The following EDARADD variants were observed in gnomAD, a reference collection of about 807,000 sequenced individuals.
The protein encoded by EDARADD is ectodysplasin-A receptor-associated adapter protein.
A neutral mutation model predicts 25.6 loss-of-function variants in EDARADD; 20 were observed. The observed-to-expected ratio is 0.78, with a 90% CI of 0.55 to 1.14. The LOEUF (loss-of-function observed/expected upper bound fraction) is 1.14. EDARADD is among the 50% of genes most tolerant of loss of function. The pLI, the probability that EDARADD is intolerant of heterozygous loss-of-function variation, is 0.00. For missense variants in EDARADD, 225 were observed against 270.1 expected, an observed-to-expected ratio of 0.83 and a Z score of 1.17; for synonymous variants, 86 against 94.4, an observed-to-expected ratio of 0.91 and a Z score of 0.52.
At chr1:236,442,820 T>C (rs2103023105) in intron 4 of EDARADD, among the ~76,000 whole-genome samples, 1 of 152,344 alleles carries the variant, frequency 6.6e-6, no homozygotes. Context: ...TTAATGTTGT[T>C]TTCATGCCTG....
chr1:236,484,625 A>C lies in EDARADD; in HGVS notation c.*1976A>C. ...GCCGTGGAGTTCGCACCTCTTCCTTAGAACTTCTACAGAAGCAGGTTGCAG... is the reference window on the plus strand; with the variant it reads ...GCCGTGGAGTTCGCACCTCTTCCTTCGAACTTCTACAGAAGCAGGTTGCAG... On this transcript the variant is annotated 3_prime_UTR_variant, in exon 6 of 6. Coordinates refer to ENST00000334232, the MANE Select transcript of EDARADD (RefSeq NM_145861.4). This position sits in a 1 kb window ranked among gnomAD's most constrained non-coding sequence, Gnocchi z 4.1. 1.8e-6 allele frequency: 1 copy of C among 555,292 alleles called. No homozygotes were observed. The highest frequency in any genetic ancestry group is 3.2e-6 in the Non-Finnish European group (1 of 308,126). 34.4% of individuals were successfully genotyped at this position (555,292 alleles called of 1,614,324 possible). A position where few individuals can be genotyped will look rare whatever the true frequency, so the allele number is the denominator to read the frequency against.
intron 4 of EDARADD, among the ~76,000 whole-genome samples, chr1:236,456,373 G>A (rs567249849): frequency 8.5e-5 from 13 of 152,278 alleles, no homozygotes; most frequent in Admixed American, 3.3e-4. Flanking sequence ...CTCACTGACC[G>A]CTAGAAAGTT....
At chr1:236,459,719 T>G (rs563841241) in intron 4 of EDARADD, among the ~76,000 whole-genome samples, 100 of 151,254 alleles carry the variant, frequency 6.6e-4, no homozygotes, top group South Asian at 3.6e-3. Context: ...TTCAAGTGAT[T>G]CTCCTGCCTC....
intron 5 of EDARADD, among the ~76,000 whole-genome samples, chr1:236,481,829 TG>T (rs1045260948): frequency 1.2e-4 from 18 of 148,362 alleles, no homozygotes; most frequent in African/African-American, 4.5e-4. Flanking sequence ...ATGAGCATTC[TG>T]AGGCCAGGCA....
rs192650833 is a variant in EDARADD at position 236,443,895 on chromosome 1, C to T, written c.219+16445C>T. 4.8e-3 allele frequency among the ~76,000 whole-genome samples: 726 copies of T among 152,198 alleles called. 3 individuals are homozygous for T. Among genetic ancestry groups the T allele is most frequent in the African/African-American group, 0.016 (655 of 41,518 alleles). The stretch of plus-strand genomic sequence containing the variant: ...TTAGATGCTCTCAAACAGCATCATA[C>T]GCTCCGGAGAAATCTTTTGTGAAAT... On this transcript the variant is annotated intron_variant, in intron 4 of 5. Coordinates refer to ENST00000334232, the MANE Select transcript of EDARADD (RefSeq NM_145861.4).
Position 236,483,060 on chromosome 1 carries a change from T to G in EDARADD, c.*411T>G. ...TAACATCTCTCCTGATCAGTGCCATTCCCACGGTTTCAAAGAAAACAGCTA... is the reference window on the plus strand; with the variant it reads ...TAACATCTCTCCTGATCAGTGCCATGCCCACGGTTTCAAAGAAAACAGCTA... On this transcript the variant is annotated 3_prime_UTR_variant, in exon 6 of 6. Coordinates refer to ENST00000334232, the MANE Select transcript of EDARADD (RefSeq NM_145861.4). The G allele has an allele frequency of 1.3e-6, 1 of 762,092 alleles. No individual in the cohort carries two copies. Among genetic ancestry groups the G allele is most frequent in the East Asian group, 2.6e-5 (1 of 37,944 alleles). The allele number at this position is 762,092 out of a possible 1,614,324, so 47.2% of individuals were successfully genotyped here. A position where few individuals can be genotyped will look rare whatever the true frequency, so the allele number is the denominator to read the frequency against.
intron 2 of EDARADD, among the ~76,000 whole-genome samples, chr1:236,350,083 C>T (rs750437312): frequency 3.3e-5 from 5 of 152,046 alleles, no homozygotes; most frequent in East Asian, 1.9e-4. Context: ...TCTAGCCTGG[C>T]GACAGAGTGA....
chr1:236,422,051 G>A (rs567690612), intron 3 of EDARADD, among the ~76,000 whole-genome samples: 111 of 152,058 alleles, frequency 7.3e-4, no homozygotes, highest in Non-Finnish European at 1.4e-3. Context: ...TGAGGAACCC[G>A]TGTGGCATTG....
chr1:236,453,968 A>T (rs1020417497), intron 4 of EDARADD, among the ~76,000 whole-genome samples: 8 of 150,976 alleles, frequency 5.3e-5, no homozygotes, highest in African/African-American at 1.7e-4. Context: ...ATACATAGTG[A>T]CTAGTTTTAT....
chr1:236,360,537 GTTTTTTTTT>G lies in EDARADD; in HGVS notation c.-6+9716_-6+9724del, dbSNP rs869053977. On this transcript the variant is annotated intron_variant, in intron 3 of 7. Coordinates refer to the EDARADD transcript ENST00000439430. The stretch of plus-strand genomic sequence containing the variant: ...CAGGACAGAGGGATTTTAATTCACG[GTTTTTTTTT>G]TTTTTTTTTTTTTTTTTGAGACAGA... Among the ~76,000 whole-genome samples the G allele has an allele frequency of 2.0e-4, 26 of 131,274 alleles. No homozygotes were observed. The East Asian group carries it at 4.0e-3, about 20-fold the overall frequency. The allele number at this position is 131,274 out of a possible 152,430, so 86.1% of individuals were successfully genotyped here. A position where few individuals can be genotyped will look rare whatever the true frequency, so the allele number is the denominator to read the frequency against.
intron 3 of EDARADD, among the ~76,000 whole-genome samples, chr1:236,388,021 T>A (rs957871243): frequency 0.36 from 1,375 of 3,852 alleles, 628 homozygotes; most frequent in Non-Finnish European, 0.54. Flanking sequence ...AAAAAAAAAA[T>A]AATAATAATA....
intron 4 of EDARADD, among the ~76,000 whole-genome samples, chr1:236,428,683 T>A (rs80070993): frequency 0.37 from 42,307 of 115,412 alleles, 10,131 homozygotes; most frequent in Non-Finnish European, 0.52. Flanking sequence ...CGCTCCTCAC[T>A]TCCCAGACTG....
chr1:236,476,193 C>CAAATAAATAAAT (rs148065571), intron 5 of EDARADD, among the ~76,000 whole-genome samples: 733 of 146,124 alleles, frequency 5.0e-3, no homozygotes, highest in Middle Eastern at 0.01. Context: ...GACTCCATCT[C>CAAATAAATAAAT]AAATAAATAA....
At chr1:236,384,479 C>T (rs933116439) in intron 3 of EDARADD, among the ~76,000 whole-genome samples, 1 of 152,218 alleles carries the variant, frequency 6.6e-6, no homozygotes, top group Admixed American at 6.5e-5. Context: ...CAGTCTCAAA[C>T]TCTTGAGCTC....
intron 4 of EDARADD, among the ~76,000 whole-genome samples, chr1:236,434,595 T>C (rs1658193197): frequency 6.6e-6 from 1 of 152,110 alleles, no homozygotes. Flanking sequence ...ATATTTTACG[T>C]GTGGCCCAAG....
chr1:236,446,703 A>C (rs1280337525), intron 4 of EDARADD, among the ~76,000 whole-genome samples: 1 of 152,166 alleles, frequency 6.6e-6, no homozygotes, highest in Non-Finnish European at 1.5e-5. Context: ...TTTGGTTTTG[A>C]GTATATATTT....
chr1:236,426,233 C>T (rs1385020011), intron 3 of EDARADD, among the ~76,000 whole-genome samples: 2 of 152,186 alleles, frequency 1.3e-5, no homozygotes, highest in Non-Finnish European at 2.9e-5. Flanking sequence ...CTGCCTCAGC[C>T]TCCTGAATAG....
intron 4 of EDARADD, among the ~76,000 whole-genome samples, chr1:236,463,932 G>A (rs983748562): frequency 7.9e-5 from 12 of 152,230 alleles, no homozygotes; most frequent in African/African-American, 2.9e-4. Context: ...CCTGTGGGGT[G>A]CACGGACAGG....
At chr1:236,435,159 T>A (rs1175655206) in intron 4 of EDARADD, among the ~76,000 whole-genome samples, 2 of 152,106 alleles carry the variant, frequency 1.3e-5, no homozygotes, top group African/African-American at 4.8e-5. Flanking sequence ...AAATCGTCCT[T>A]ATAGGAAAGC....
Sources: allele counts gnomAD v4.1 joint callset (sites outside exome capture counted in the v4.1 genomes callset), GRCh38; gene constraint gnomAD v4.1.1; non-coding constraint Gnocchi (gnomAD v3.1); transcripts MANE v1.5; gene names NCBI Gene and HGNC (gene_info 2026-07-23, HGNC 2026-07-21).